The following MACO1 variants were observed in gnomAD, a reference collection of about 807,000 sequenced individuals.
The protein encoded by MACO1 is macoilin.
MACO1 carries 14 observed loss-of-function variants against 78.7 expected under a neutral mutation model. The observed-to-expected ratio is 0.18, with a 90% CI of 0.12 to 0.28. MACO1 has a LOEUF of 0.28. Ranked by LOEUF, MACO1 falls within the 10% of genes least tolerant of loss-of-function variation. The probability of loss-of-function intolerance (pLI) is 1.00; values close to 1 mark genes in which losing one functional copy is unlikely to be tolerated. For synonymous variants in MACO1, 288 were observed against 291.6 expected (o/e 0.99, Z 0.12); for missense variants, 501 against 799.0 (o/e 0.63, Z 4.50).
chr1:25,489,150 T>A, intron 8 of MACO1, 23 bp from the exon 9 acceptor site: 1 of 1,609,858 alleles, frequency 6.2e-7, no homozygotes, highest in Non-Finnish European at 8.5e-7. Flanking sequence ...ATCACTTTAT[T>A]TCCTTCTCTT....
chr1:25,432,470 C>T (rs2042884461), intron 1 of MACO1, among the ~76,000 whole-genome samples: 1 of 152,142 alleles, frequency 6.6e-6, no homozygotes, highest in South Asian at 2.1e-4. Context: ...TACTATGTGC[C>T]AGGAACATTT....
At chr1:25,464,338 C>CTTTTTTTTTTT (rs71014363) in intron 6 of MACO1, among the ~76,000 whole-genome samples, 28 of 80,976 alleles carry the variant, frequency 3.5e-4, no homozygotes, top group African/African-American at 9.9e-4. Flanking sequence ...TTTTTCTTCT[C>CTTTTTTTTTTT]TTTTTTTTTT....
intron 1 of MACO1, among the ~76,000 whole-genome samples, chr1:25,441,777 A>G (rs1211542626): frequency 1.3e-5 from 2 of 152,206 alleles, no homozygotes; most frequent in East Asian, 1.9e-4. Flanking sequence ...ATGAGTAGCT[A>G]TGGAAGTGCT....
Position 25,500,006 on chromosome 1 carries a change from T to C in MACO1, c.*1540T>C, listed in dbSNP as rs1277185518. On this transcript the variant is annotated 3_prime_UTR_variant, in exon 11 of 11. Transcript: ENST00000374343. ...TGCATTTTTGAATCATCTTGTGTAA[T>C]TGTCACCATGAAAGTGTTACTCAGA... 2 of 152,214 alleles carry C rather than the reference T, an allele frequency of 1.3e-5. No individual in the cohort carries two copies. Among genetic ancestry groups the C allele is most frequent in the South Asian group, 2.1e-4 (1 of 4,826 alleles). The allele number at this position is 152,214 out of a possible 1,614,324, so 9.4% of individuals were successfully genotyped here. A position where few individuals can be genotyped will look rare whatever the true frequency, so the allele number is the denominator to read the frequency against.
At chr1:25,496,224 T>G (rs1303931859) in intron 10 of MACO1, among the ~76,000 whole-genome samples, 1 of 151,602 alleles carries the variant, frequency 6.6e-6, no homozygotes, top group African/African-American at 2.4e-5. Context: ...CTTGCCTCAC[T>G]ACAACCTCCG....
rs188397366 is a variant in MACO1, at chr1:25,460,655, A to C, written c.1154+1763A>C. Among the ~76,000 whole-genome samples, 442 of 152,290 alleles carry C rather than the reference A, an allele frequency of 2.9e-3. 3 individuals are homozygous for C. Among genetic ancestry groups the C allele is most frequent in the African/African-American group, 8.9e-3 (370 of 41,568 alleles). ...TAGTAATAGCGGTCAAGCTATTACT[A>C]AATGATGGTTTGTGATATTGATTGA... On this transcript the variant is annotated intron_variant, in intron 6 of 10. Transcript: ENST00000374343.
At chr1:25,431,922 T>G (rs929876281) in intron 1 of MACO1, among the ~76,000 whole-genome samples, 9 of 152,300 alleles carry the variant, frequency 5.9e-5, no homozygotes, top group East Asian at 1.9e-4. Flanking sequence ...CTCTTTTTTT[T>G]TTTTTTCATC....
chr1:25,437,043 T>C (rs1455650102), intron 1 of MACO1, among the ~76,000 whole-genome samples: 1 of 152,234 alleles, frequency 6.6e-6, no homozygotes, highest in Admixed American at 6.5e-5. Context: ...TTGAGCTGTT[T>C]AGGACCGATC....
In MACO1 at chr1:25,431,048, G is replaced by A; in HGVS notation, c.-51G>A. 6.7e-7 allele frequency: 1 copy of A among 1,492,024 alleles called. No individual in the cohort carries two copies. Among genetic ancestry groups the A allele is most frequent in the Non-Finnish European group, 9.0e-7 (1 of 1,105,604 alleles). The allele number at this position is 1,492,024 out of a possible 1,614,324, so 92.4% of individuals were successfully genotyped here. ...GGGCGGGCCAGCGGCGGCGGCAGCT[G>A]AGGTGAGAGACGGCGGCGGCGGCGC... On this transcript the variant is annotated 5_prime_UTR_variant, in exon 1 of 11. Coordinates refer to ENST00000374343, the MANE Select transcript of MACO1 (RefSeq NM_018202.6).
Position 25,431,046 on chromosome 1 carries a change from C to A in MACO1, c.-53C>A. On this transcript the variant is annotated 5_prime_UTR_variant, in exon 1 of 11. The change creates a new upstream start codon in the 5' untranslated region. Coordinates refer to ENST00000374343, the MANE Select transcript of MACO1 (RefSeq NM_018202.6). ...CGGGGCGGGCCAGCGGCGGCGGCAG[C>A]TGAGGTGAGAGACGGCGGCGGCGGC... 1 of 1,479,472 alleles carries A rather than the reference C, an allele frequency of 6.8e-7. No individual in the cohort carries two copies. Among genetic ancestry groups the A allele is most frequent in the Non-Finnish European group, 9.1e-7 (1 of 1,096,518 alleles). 91.6% of individuals were successfully genotyped at this position (1,479,472 alleles called of 1,614,324 possible).
intron 10 of MACO1, among the ~76,000 whole-genome samples, chr1:25,496,237 T>C (rs2124615822): frequency 6.6e-6 from 1 of 151,820 alleles, no homozygotes; most frequent in African/African-American, 2.4e-5. Context: ...AACCTCCGCC[T>C]TCTGGGCTCA....
chr1:25,454,477 T>TAA (rs2043100491), intron 4 of MACO1, 95 bp downstream of exon 4: 1 of 163,234 alleles, frequency 6.1e-6, no homozygotes, highest in Admixed American at 9.5e-5. Context: ...TGTGTATATA[T>TAA]ATATATATAT....
intron 6 of MACO1, among the ~76,000 whole-genome samples, chr1:25,475,992 T>A (rs1223123903): frequency 2.6e-5 from 4 of 152,216 alleles, no homozygotes; most frequent in African/African-American, 9.6e-5. Flanking sequence ...TAGCCACCCT[T>A]CTGTTGACTA....
At chr1:25,490,096 T>C (rs2043471450) in intron 9 of MACO1, among the ~76,000 whole-genome samples, 1 of 152,156 alleles carries the variant, frequency 6.6e-6, no homozygotes, top group Non-Finnish European at 1.5e-5. Context: ...GGTGGAAATA[T>C]ACTTGACCTT....
At chr1:25,471,197 A>G (rs2043266730) in intron 6 of MACO1, among the ~76,000 whole-genome samples, 1 of 148,818 alleles carries the variant, frequency 6.7e-6, no homozygotes, top group Non-Finnish European at 1.5e-5. Context: ...AAATTAGCTG[A>G]GTGCAGTGGC....
chr1:25,489,009 C>CG (rs2043459938), intron 8 of MACO1, among the ~76,000 whole-genome samples, 164 bp from the exon 9 acceptor site: 1 of 151,450 alleles, frequency 6.6e-6, no homozygotes, highest in Non-Finnish European at 1.5e-5. Flanking sequence ...TTAGTAGAGA[C>CG]GGGGTTTCAC....
At chr1:25,474,181 C>T (rs2043299351) in intron 6 of MACO1, among the ~76,000 whole-genome samples, 1 of 152,154 alleles carries the variant, frequency 6.6e-6, no homozygotes, top group African/African-American at 2.4e-5. Flanking sequence ...CCCAATGTTG[C>T]CAAGTCTTCT....
rs936285615 is a variant in MACO1, at chr1:25,485,045, G to A, written c.1314-568G>A. ...TAGGTAAAGCTGGGGGTGGTAGTAA[G>A]CAGGAAATATGGCTGAAATTTCTAT... On this transcript the variant is annotated intron_variant, in intron 7 of 10. Transcript: ENST00000374343. The surrounding 1 kb of genome is among the most constrained non-coding windows in gnomAD (Gnocchi z 4.3). 3.9e-5 allele frequency among the ~76,000 whole-genome samples: 6 copies of A among 152,110 alleles called. No individual in the cohort carries two copies. The highest frequency in any genetic ancestry group is 9.7e-5 in the African/African-American group (4 of 41,410).
At chr1:25,466,309 T>TTTTA (rs201867424) in intron 6 of MACO1, among the ~76,000 whole-genome samples, 2 of 152,016 alleles carry the variant, frequency 1.3e-5, no homozygotes, top group Non-Finnish European at 1.5e-5. Flanking sequence ...GTTCTGCCCA[T>TTTTA]TTTATTTATT....
Sources: gnomAD v4.1 joint callset for allele counts (sites outside exome capture counted in the v4.1 genomes callset) on GRCh38, gnomAD v4.1.1 for gene constraint, Gnocchi (gnomAD v3.1) non-coding constraint, MANE v1.5 for transcripts, NCBI Gene and HGNC (gene_info 2026-07-23, HGNC 2026-07-21) for gene names.